Variants in ZNF484 observed in about 807,000 individuals in gnomAD.
ZNF484 encodes KRAB box containing C2H2 type zinc finger bA526D8.4.
A neutral mutation model predicts 12.9 loss-of-function variants in ZNF484; 11 were observed. The ratio of observed to expected loss-of-function variants is 0.85; its 90% CI spans 0.54 to 1.41. The LOEUF (loss-of-function observed/expected upper bound fraction) is 1.41, where lower values mean the gene tolerates loss of function less well. Among genes scored for constraint, ZNF484 ranks in the 40% most tolerant of loss-of-function variants. ZNF484 has a pLI of 0.00. For missense variants in ZNF484, 807 were observed against 1,007.7 expected (o/e 0.80, Z 2.70); for synonymous variants, 289 against 334.1 (o/e 0.86, Z 1.47).
intron 2 of ZNF484, among the ~76,000 whole-genome samples, chr9:92,868,050 C>T (rs1039845306): frequency 1.3e-5 from 2 of 152,180 alleles, no homozygotes; most frequent in African/African-American, 4.8e-5. Flanking sequence ...CTAGAGGCCA[C>T]CTGTATTCTT....
Position 92,855,844 on chromosome 9 carries a change from A to T in ZNF484, c.202T>A (p.Leu68Met). The T allele has an allele frequency of 6.2e-7, 1 of 1,614,146 alleles. No individual in the cohort carries two copies. Among genetic ancestry groups the T allele is most frequent in the African/African-American group, 1.3e-5 (1 of 75,046 alleles). Residue 68 changes from leucine (L) to methionine (M), a missense_variant, in exon 4 of 5, where the codon TTG becomes ATG. By Grantham distance (15) the Leu-to-Met change is conservative. Transcript: ENST00000375495. ...CTCTGACTGGGGATCTCACCATCCA[A>T]CATACATGGCTCTTCTTGTTCCAAG... ...FSLEQEEPCMLDGEIPSQSRP... is the reference protein window; with the variant it reads ...FSLEQEEPCMMDGEIPSQSRP...
Position 92,847,083 on chromosome 9 carries a change from A to G in ZNF484, c.1704T>C (p.Ser568=). The change falls in exon 5 of 5, where the codon AGT becomes AGC. Residue 568 remains serine (S), a synonymous_variant. Coordinates refer to ENST00000375495, the MANE Select transcript of ZNF484 (RefSeq NM_031486.4). The part of the protein sequence containing the change: ...GKAFIQKSTL[S]MHQRIHRGEK... ...CCCCTCTATGAATTCTCTGGTGCAT[A>G]CTTAATGTTGACTTCTGAATGAATG... 1 of 1,614,028 alleles carries G rather than the reference A, an allele frequency of 6.2e-7. No individual in the cohort carries two copies. Among genetic ancestry groups the G allele is most frequent in the Non-Finnish European group, 8.5e-7 (1 of 1,180,006 alleles).
At chr9:92,868,681 A>C (rs1857251661) in intron 2 of ZNF484, among the ~76,000 whole-genome samples, 1 of 152,046 alleles carries the variant, frequency 6.6e-6, no homozygotes. Context: ...ATGGCAAAAG[A>C]GGAAGAAAGA....
intron 4 of ZNF484, among the ~76,000 whole-genome samples, chr9:92,850,408 C>T (rs114214990): frequency 1.1e-4 from 17 of 152,282 alleles, no homozygotes; most frequent in African/African-American, 3.9e-4. Flanking sequence ...TTTCTCTTCT[C>T]CCTATGATCC....
In ZNF484 at chr9:92,848,562, A is replaced by G. The variant is rs1192535677; in HGVS notation, c.236-11T>C. 1.9e-6 allele frequency: 3 copies of G among 1,556,646 alleles called. No individual in the cohort carries two copies. The highest frequency in any genetic ancestry group is 2.1e-5 in the Admixed American group (1 of 47,872). ...AACCAATGTCCCCATCTAAAAAAGA[A>G]AGAAAAGATAAGACTGACAAAAAGA... On this transcript the variant is annotated splice_polypyrimidine_tract_variant and intron_variant, in intron 4 of 4. Transcript: ENST00000375495. The surrounding 1 kb of genome is among the most constrained non-coding windows in gnomAD (Gnocchi z 4.1).
chr9:92,851,708 A>T (rs1856099616), intron 4 of ZNF484, among the ~76,000 whole-genome samples: 1 of 152,158 alleles, frequency 6.6e-6, no homozygotes, highest in Admixed American at 6.5e-5. Flanking sequence ...TTATCAATGA[A>T]CCCAAACATA....
chr9:92,853,327 A>T (rs1856224860), intron 4 of ZNF484, among the ~76,000 whole-genome samples: 1 of 152,200 alleles, frequency 6.6e-6, no homozygotes, highest in Non-Finnish European at 1.5e-5. Context: ...AAGTAAAAAA[A>T]CTCCAAGAGA....
At chr9:92,855,948 A>G (rs1310949953) in intron 3 of ZNF484, 45 bp from the exon 4 acceptor site, 1 of 1,596,346 alleles carries the variant, frequency 6.3e-7, no homozygotes. Flanking sequence ...GAGGCCATAC[A>G]ATGAAGCATT....
At chr9:92,872,907 G>A (rs1857543051) in intron 2 of ZNF484, among the ~76,000 whole-genome samples, 2 of 150,840 alleles carry the variant, frequency 1.3e-5, no homozygotes, top group African/African-American at 2.5e-5. Flanking sequence ...TTTTTCAAGT[G>A]CTAAAAAAAA....
At position 92,877,945 on chromosome 9, in the gene ZNF484, A is replaced by G. The variant is rs866345242; in HGVS notation, c.-86T>C. Reference sequence around the variant, plus strand: ...TGGTCATTTGCCTCGGGAGGTGACTATAGTCGCAAGAACCAGAACAGGACC... The same window carrying G: ...TGGTCATTTGCCTCGGGAGGTGACTGTAGTCGCAAGAACCAGAACAGGACC... On this transcript the variant is annotated 5_prime_UTR_variant, in exon 1 of 5. Transcript: ENST00000375495. 3.5e-5 allele frequency: 51 copies of G among 1,441,894 alleles called. No individual in the cohort carries two copies. The Middle Eastern group carries it at 2.1e-3, about 59-fold the overall frequency. 89.3% of individuals were successfully genotyped at this position (1,441,894 alleles called of 1,614,324 possible).
chr9:92,845,687 A>G lies in ZNF484; in HGVS notation c.*541T>C, dbSNP rs1855541040. Reference sequence around the variant, plus strand: ...GTAGGGCCAGTTCTAAGGTAATAATATAGACTTTTGAGAAATAGGCAAAGA... The same window carrying G: ...GTAGGGCCAGTTCTAAGGTAATAATGTAGACTTTTGAGAAATAGGCAAAGA... On this transcript the variant is annotated 3_prime_UTR_variant, in exon 5 of 5. Coordinates refer to ENST00000375495, the MANE Select transcript of ZNF484 (RefSeq NM_031486.4). This position sits in a 1 kb window ranked among gnomAD's most constrained non-coding sequence, Gnocchi z 4.0. The G allele has an allele frequency of 1.3e-5, 2 of 153,468 alleles. No individual in the cohort carries two copies. The highest frequency in any genetic ancestry group is 6.5e-5 in the Admixed American group (1 of 15,426). The allele number at this position is 153,468 out of a possible 1,614,324, so 9.5% of individuals were successfully genotyped here.
chr9:92,858,012 C>A (rs1026222784), intron 2 of ZNF484, among the ~76,000 whole-genome samples: 1 of 152,166 alleles, frequency 6.6e-6, no homozygotes, highest in Non-Finnish European at 1.5e-5. Flanking sequence ...CCCCCTCAGC[C>A]TCCCAGGTAT....
chr9:92,860,126 T>C (rs1039730817), intron 2 of ZNF484, among the ~76,000 whole-genome samples: 3 of 152,156 alleles, frequency 2.0e-5, no homozygotes, highest in African/African-American at 7.2e-5. Flanking sequence ...ATAAACCACA[T>C]GTTGGCATAG....
intron 2 of ZNF484, among the ~76,000 whole-genome samples, 169 bp from the exon 3 acceptor site, chr9:92,856,487 C>T (rs1856470955): frequency 6.6e-6 from 1 of 151,616 alleles, no homozygotes; most frequent in Non-Finnish European, 1.5e-5. Context: ...AATTCAACGA[C>T]AACGAACAAA....
intron 4 of ZNF484, among the ~76,000 whole-genome samples, chr9:92,855,563 G>A (rs992026933): frequency 2.0e-5 from 3 of 152,134 alleles, no homozygotes; most frequent in Admixed American, 6.6e-5. Context: ...ATGATCCAAA[G>A]AACCAGTAAT....
intron 2 of ZNF484, among the ~76,000 whole-genome samples, chr9:92,872,763 T>C (rs558797862): frequency 1.1e-4 from 15 of 132,924 alleles, no homozygotes; most frequent in Non-Finnish European, 2.1e-4. Flanking sequence ...TTCTAAAATA[T>C]AGAACTGTAA....
At chr9:92,849,238 G>A (rs1290176819) in intron 4 of ZNF484, among the ~76,000 whole-genome samples, 2 of 151,592 alleles carry the variant, frequency 1.3e-5, no homozygotes, top group Non-Finnish European at 2.9e-5. Context: ...TCCAGCCTGG[G>A]CAACAAGAGC....
At chr9:92,860,620 C>A (rs1165626279) in intron 2 of ZNF484, among the ~76,000 whole-genome samples, 82 of 124,722 alleles carry the variant, frequency 6.6e-4, no homozygotes, top group South Asian at 7.4e-4. Context: ...AAAAAAAAAA[C>A]AACAAAACAA....
intron 2 of ZNF484, among the ~76,000 whole-genome samples, chr9:92,868,962 G>C (rs1361825225): frequency 1.3e-5 from 2 of 152,064 alleles, no homozygotes; most frequent in Non-Finnish European, 2.9e-5. Context: ...CTGGCCTCAA[G>C]TGATCCTCCT....
Sources: gnomAD v4.1 joint callset for allele counts (sites outside exome capture counted in the v4.1 genomes callset) on GRCh38, gnomAD v4.1.1 for gene constraint, Gnocchi (gnomAD v3.1) non-coding constraint, MANE v1.5 for transcripts, NCBI Gene and HGNC (gene_info 2026-07-23, HGNC 2026-07-21) for gene names.